Variants in TNIK observed in about 807,000 individuals in gnomAD.
The protein encoded by TNIK is TRAF2 and NCK interacting kinase, also known as TRAF2 and NCK-interacting protein kinase.
In TNIK, 49 loss-of-function variants were observed where a neutral mutation model predicts 191.3. The observed-to-expected ratio is 0.26, with a 90% CI of 0.20 to 0.32. The LOEUF is 0.32. TNIK is among the 10% of genes least tolerant of loss of function. The probability of loss-of-function intolerance (pLI) is 1.00; values close to 1 mark genes in which losing one functional copy is unlikely to be tolerated. For synonymous variants in TNIK, 594 were observed against 600.9 expected (o/e 0.99, Z 0.17); for missense variants, 1,155 against 1,702.3 (o/e 0.68, Z 5.66).
chr3:171,403,226 G>A (rs928938574), intron 1 of TNIK, among the ~76,000 whole-genome samples: 7 of 152,208 alleles, frequency 4.6e-5, no homozygotes, highest in African/African-American at 1.2e-4. Flanking sequence ...GGCTAAATAC[G>A]TTAAAGAGAA....
At chr3:171,442,267 G>A (rs896109589) in intron 1 of TNIK, among the ~76,000 whole-genome samples, 12 of 152,206 alleles carry the variant, frequency 7.9e-5, no homozygotes, top group Non-Finnish European at 7.3e-5. Flanking sequence ...TGTATCAAGT[G>A]ATGAGATACA....
chr3:171,170,860 G>C (rs1406163462), intron 9 of TNIK, among the ~76,000 whole-genome samples: 1 of 152,130 alleles, frequency 6.6e-6, no homozygotes, highest in East Asian at 1.9e-4. Context: ...AGACCAGCCT[G>C]GGCAATATAG....
At chr3:171,452,729 A>AACACACACACACAC (rs10602125) in intron 1 of TNIK, among the ~76,000 whole-genome samples, 19 of 142,546 alleles carry the variant, frequency 1.3e-4, no homozygotes, top group African/African-American at 4.6e-4. Flanking sequence ...ACACACTCCA[A>AACACACACACACAC]ACACACACAC....
chr3:171,066,518 A>AT, intron 31 of TNIK, 58 bp downstream of exon 31: 3 of 1,429,054 alleles, frequency 2.1e-6, no homozygotes, highest in Non-Finnish European at 2.8e-6. Context: ...ACATTTCTTG[A>AT]TTTTCGTTTC....
intron 2 of TNIK, among the ~76,000 whole-genome samples, chr3:171,306,224 T>TAGG (rs1753436755): frequency 1.3e-5 from 2 of 151,914 alleles, no homozygotes; most frequent in African/African-American, 2.4e-5. Flanking sequence ...GGGAGGAGGT[T>TAGG]AGGAGGAGGG....
Position 171,302,481 on chromosome 3 carries a change from T to C in TNIK, c.123+67139A>G, listed in dbSNP as rs530228469. 1.6e-3 allele frequency among the ~76,000 whole-genome samples: 239 copies of C among 152,326 alleles called. 1 individual carries two copies. Among genetic ancestry groups the C allele is most frequent in the Non-Finnish European group, 2.9e-3 (197 of 68,028 alleles). On this transcript the variant is annotated intron_variant, in intron 2 of 32. Transcript: ENST00000436636. ...GCTCAGTAATCAACTTCAGGGGCAA[T>C]GTCAGTGCATCTTTGGGTCAATGTG...
chr3:171,307,568 T>C (rs747025882), intron 2 of TNIK, among the ~76,000 whole-genome samples: 1 of 152,218 alleles, frequency 6.6e-6, no homozygotes, highest in Non-Finnish European at 1.5e-5. Context: ...TTTTTACCAC[T>C]AGTAGTACCA....
At chr3:171,266,307 A>T (rs1748397159) in intron 2 of TNIK, among the ~76,000 whole-genome samples, 1 of 152,228 alleles carries the variant, frequency 6.6e-6, no homozygotes, top group Admixed American at 6.5e-5. Flanking sequence ...CCCAGGAGGT[A>T]ACTGCTAAGG....
chr3:171,431,590 TG>T (rs1197054537), intron 1 of TNIK, among the ~76,000 whole-genome samples: 1 of 152,254 alleles, frequency 6.6e-6, no homozygotes, highest in Non-Finnish European at 1.5e-5. Flanking sequence ...ACCATATTTT[TG>T]TTTTATGCAT....
chr3:171,407,696 C>G (rs1217865348), intron 1 of TNIK, among the ~76,000 whole-genome samples: 1 of 152,188 alleles, frequency 6.6e-6, no homozygotes, highest in Non-Finnish European at 1.5e-5. Flanking sequence ...TTTAATCTAA[C>G]AAGTATTTTG....
chr3:171,210,713 G>A (rs1740701187), intron 4 of TNIK, among the ~76,000 whole-genome samples: 1 of 152,050 alleles, frequency 6.6e-6, no homozygotes, highest in Non-Finnish European at 1.5e-5. Flanking sequence ...CATTTTTTCT[G>A]TAAACCTTAG....
At chr3:171,103,236 ATTTGCTCCATCTGT>A (rs1396389886) in intron 21 of TNIK, among the ~76,000 whole-genome samples, 1 of 152,094 alleles carries the variant, frequency 6.6e-6, no homozygotes, top group Admixed American at 6.6e-5. Context: ...CGGTGAATGT[ATTTGCTCCATCTGT>A]GAAAGTGAAA....
chr3:171,326,372 A>T (rs929668379), intron 2 of TNIK, among the ~76,000 whole-genome samples: 4 of 152,186 alleles, frequency 2.6e-5, no homozygotes, highest in African/African-American at 4.8e-5. Context: ...ACACAAAAGC[A>T]GCAGCCATTT....
At chr3:171,183,499 C>T (rs1470046476) in intron 7 of TNIK, among the ~76,000 whole-genome samples, 2 of 152,094 alleles carry the variant, frequency 1.3e-5, no homozygotes, top group South Asian at 4.1e-4. Context: ...TGTGTATGGT[C>T]CCTAGGGACA....
intron 2 of TNIK, among the ~76,000 whole-genome samples, chr3:171,335,234 C>T (rs1189141372): frequency 6.6e-6 from 1 of 152,112 alleles, no homozygotes; most frequent in Non-Finnish European, 1.5e-5. Flanking sequence ...AAAGGCTGGA[C>T]AAATAAAAGA....
At chr3:171,137,108 CTTTTTTTTTTT>C (rs71176593) in intron 15 of TNIK, among the ~76,000 whole-genome samples, 9 of 104,156 alleles carry the variant, frequency 8.6e-5, no homozygotes, top group African/African-American at 2.7e-4. Flanking sequence ...TTTAAAAATC[CTTTTTTTTTTT>C]TTTTTTTTTT....
chr3:171,298,449 G>T (rs115793372), intron 2 of TNIK, among the ~76,000 whole-genome samples: 6 of 152,156 alleles, frequency 3.9e-5, no homozygotes, highest in African/African-American at 1.4e-4. Context: ...CTGTTCCCTC[G>T]CATGTTCCAG....
chr3:171,425,932 T>C (rs955884949), intron 1 of TNIK, among the ~76,000 whole-genome samples: 1 of 151,704 alleles, frequency 6.6e-6, no homozygotes, highest in South Asian at 2.1e-4. Context: ...TGTGGAGAAA[T>C]AGGAACACTT....
intron 9 of TNIK, among the ~76,000 whole-genome samples, chr3:171,173,177 G>T (rs1270044015): frequency 9.5e-5 from 14 of 147,820 alleles, no homozygotes; most frequent in Admixed American, 6.1e-4. Context: ...GAGGTCAGGA[G>T]ATCAAGACCA....
Sources: allele counts gnomAD v4.1 joint callset (sites outside exome capture counted in the v4.1 genomes callset), GRCh38; gene constraint gnomAD v4.1.1; transcripts MANE v1.5; gene names NCBI Gene and HGNC (gene_info 2026-07-23, HGNC 2026-07-21).